Variants in ERBB4 observed in about 807,000 individuals in gnomAD.
ERBB4 encodes receptor tyrosine-protein kinase erbB-4.
A neutral mutation model predicts 158.0 loss-of-function variants in ERBB4; 42 were observed. That is an observed-to-expected ratio of 0.27 (90% CI 0.21 to 0.34). The LOEUF (loss-of-function observed/expected upper bound fraction) is 0.34. ERBB4 is among the 10% of genes least tolerant of loss of function. The probability of loss-of-function intolerance (pLI) is 1.00; values close to 1 mark genes in which losing one functional copy is unlikely to be tolerated. For missense variants in ERBB4, 1,333 were observed against 1,624.1 expected (o/e 0.82, Z 3.08); for synonymous variants, 583 against 558.7 (o/e 1.04, Z -0.61).
intron 9 of ERBB4, among the ~76,000 whole-genome samples, chr2:211,707,903 A>G (rs373018432): frequency 4.6e-5 from 7 of 152,162 alleles, no homozygotes; most frequent in South Asian, 2.1e-4. Flanking sequence ...ACCTCATTAA[A>G]TTATTATTTT....
chr2:211,429,027 A>ATTTT (rs2063695233), intron 21 of ERBB4, among the ~76,000 whole-genome samples: 1 of 149,058 alleles, frequency 6.7e-6, no homozygotes, highest in African/African-American at 2.6e-5. Flanking sequence ...TATTTTTTTA[A>ATTTT]AAAAAAAGCT....
At chr2:212,297,001 T>C (rs986780740) in intron 1 of ERBB4, among the ~76,000 whole-genome samples, 2 of 151,848 alleles carry the variant, frequency 1.3e-5, no homozygotes, top group Non-Finnish European at 2.9e-5. Flanking sequence ...CTTATTTTTT[T>C]CCCTCCCAGG....
intron 12 of ERBB4, among the ~76,000 whole-genome samples, chr2:211,692,955 TAAC>T (rs1194659611): frequency 1.3e-5 from 2 of 152,180 alleles, no homozygotes; most frequent in Admixed American, 1.3e-4. Flanking sequence ...TATAATGGGT[TAAC>T]AAAGAAGTTG....
intron 1 of ERBB4, among the ~76,000 whole-genome samples, chr2:212,128,821 T>C (rs2080021314): frequency 6.6e-6 from 1 of 152,112 alleles, no homozygotes; most frequent in African/African-American, 2.4e-5. Flanking sequence ...AGAAATGATA[T>C]TCAACATAAG....
chr2:211,828,147 C>A (rs183511920), intron 3 of ERBB4, among the ~76,000 whole-genome samples: 4 of 152,198 alleles, frequency 2.6e-5, no homozygotes, highest in Admixed American at 2.6e-4. Context: ...GAGTCTTAGT[C>A]ATATTAATTA....
chr2:211,768,870 T>C lies in ERBB4; in HGVS notation c.557-18166A>G, dbSNP rs1477324088. Among the ~76,000 whole-genome samples the C allele has an allele frequency of 3.9e-5, 6 of 152,258 alleles. No individual in the cohort carries two copies. The East Asian group carries it at 1.2e-3, about 29-fold the overall frequency. ...TGATTAACATTTGGCTCCTTACTTATGCCAATTTTTGCAGCCAGCTTGAAT... is the reference window on the plus strand; with the variant it reads ...TGATTAACATTTGGCTCCTTACTTACGCCAATTTTTGCAGCCAGCTTGAAT... On this transcript the variant is annotated intron_variant, in intron 4 of 27. Coordinates refer to ENST00000342788, the MANE Select transcript of ERBB4 (RefSeq NM_005235.3).
intron 12 of ERBB4, among the ~76,000 whole-genome samples, chr2:211,681,986 C>T (rs1262234622): frequency 1.3e-5 from 2 of 151,174 alleles, no homozygotes; most frequent in Admixed American, 6.6e-5. Context: ...TTAATTTGCA[C>T]ATATGGTACT....
chr2:212,029,201 C>G (rs13424872), intron 2 of ERBB4, among the ~76,000 whole-genome samples: 1 of 152,058 alleles, frequency 6.6e-6, no homozygotes, highest in Non-Finnish European at 1.5e-5. Context: ...CTACTCCCTG[C>G]CTATAGGGTA....
intron 1 of ERBB4, among the ~76,000 whole-genome samples, chr2:212,316,523 A>G (rs543428683): frequency 6.6e-6 from 1 of 151,638 alleles, no homozygotes; most frequent in South Asian, 2.1e-4. Context: ...ACGCTAAGTA[A>G]GCTTTCAGGT....
intron 1 of ERBB4, among the ~76,000 whole-genome samples, chr2:212,208,575 G>A (rs1322005559): frequency 3.9e-5 from 6 of 152,130 alleles, no homozygotes; most frequent in Non-Finnish European, 1.5e-5. Flanking sequence ...AACTTCACTA[G>A]TCTTGAAATG....
chr2:211,902,176 A>C (rs1289616832), intron 3 of ERBB4, among the ~76,000 whole-genome samples: 1 of 152,096 alleles, frequency 6.6e-6, no homozygotes, highest in Non-Finnish European at 1.5e-5. Flanking sequence ...AGCAGGGATT[A>C]CCCCTTGTTC....
At chr2:211,659,655 T>G in intron 15 of ERBB4, among the ~76,000 whole-genome samples, 1 of 152,132 alleles carries the variant, frequency 6.6e-6, no homozygotes, top group East Asian at 1.9e-4. Flanking sequence ...AACTAAAATT[T>G]AACTTGAGGG....
chr2:212,084,938 A>C (rs1053415112), intron 2 of ERBB4, among the ~76,000 whole-genome samples: 1 of 151,996 alleles, frequency 6.6e-6, no homozygotes, highest in African/African-American at 2.4e-5. Context: ...TTGACCAATT[A>C]CATGACTTAA....
intron 20 of ERBB4, among the ~76,000 whole-genome samples, chr2:211,451,281 G>A (rs1413440125): frequency 1.3e-5 from 2 of 152,182 alleles, no homozygotes; most frequent in African/African-American, 4.8e-5. Flanking sequence ...TGGCATTTAG[G>A]AGGTCATTAG....
At chr2:211,820,344 A>C (rs1008627536) in intron 3 of ERBB4, among the ~76,000 whole-genome samples, 1 of 151,896 alleles carries the variant, frequency 6.6e-6, no homozygotes, top group Middle Eastern at 3.4e-3. Context: ...GAAAAGAATA[A>C]ATTTCTGGAT....
intron 2 of ERBB4, among the ~76,000 whole-genome samples, chr2:212,095,463 G>C (rs541787264): frequency 3.2e-4 from 49 of 152,254 alleles, no homozygotes; most frequent in African/African-American, 1.1e-3. Flanking sequence ...AAGCATCCAA[G>C]TTGTATAAAT....
At chr2:212,379,801 C>G (rs13404952) in intron 1 of ERBB4, among the ~76,000 whole-genome samples, 13,550 of 149,340 alleles carry the variant, frequency 0.091, 725 homozygotes, top group Non-Finnish European at 0.13. Flanking sequence ...TCTCTCTCCT[C>G]TGTGTGTGTG....
chr2:211,712,321 A>C (rs1004347002), intron 8 of ERBB4, 145 bp from the exon 9 acceptor site: 2 of 807,494 alleles, frequency 2.5e-6, no homozygotes, highest in Non-Finnish European at 3.9e-6. Flanking sequence ...AAAGTAAAAT[A>C]ATTATTCATT....
At chr2:211,947,713 T>C in intron 2 of ERBB4, 97 bp from the exon 3 acceptor site, 1 of 1,053,056 alleles carries the variant, frequency 9.5e-7, no homozygotes, top group Non-Finnish European at 1.4e-6. Flanking sequence ...ACTCTAATTT[T>C]CAGTTTTTAG....
Sources: allele counts gnomAD v4.1 joint callset (sites outside exome capture counted in the v4.1 genomes callset), GRCh38; gene constraint gnomAD v4.1.1; transcripts MANE v1.5; gene names NCBI Gene and HGNC (gene_info 2026-07-23, HGNC 2026-07-21).